The following GHSR variants were observed in gnomAD, a reference collection of about 807,000 sequenced individuals.
The protein encoded by GHSR is growth hormone secretagogue receptor.
In GHSR, 17 loss-of-function variants were observed where a neutral mutation model predicts 24.0. The observed-to-expected ratio is 0.71, with a 90% CI of 0.49 to 1.06. GHSR has a LOEUF of 1.06. Among genes scored for constraint, GHSR ranks in the 50% least tolerant of loss-of-function variants. The probability of loss-of-function intolerance (pLI) is 0.00; values close to 1 mark genes in which losing one functional copy is unlikely to be tolerated. For missense variants in GHSR, 504 were observed against 483.1 expected (o/e 1.04, Z -0.41); for synonymous variants, 238 against 208.1 (o/e 1.14, Z -1.24).
intron 1 of GHSR, 70 bp from the exon 2 acceptor site, chr3:172,445,535 A>G: frequency 1.3e-6 from 2 of 1,486,112 alleles, no homozygotes; most frequent in South Asian, 1.2e-5. Context: ...TATTTTTAAG[A>G]CTTTGTTTTT....
At position 172,444,056 on chromosome 3, in the gene GHSR, A is replaced by T. The variant is rs1737398928; in HGVS notation, c.*1105T>A. Among the ~76,000 whole-genome samples, 2 of 152,138 alleles carry T rather than the reference A, an allele frequency of 1.3e-5. No individual in the cohort carries two copies. Among genetic ancestry groups the T allele is most frequent in the Admixed American group, 6.6e-5 (1 of 15,266 alleles). On this transcript the variant is annotated 3_prime_UTR_variant, in exon 2 of 2. Transcript: ENST00000241256. ...TCGAAGCCTTATAATTGACTTCAAA[A>T]TTTTTGTTAAGCCATATGAGGCAGT...
At chr3:172,445,940 C>CTT (rs201114795) in intron 1 of GHSR, among the ~76,000 whole-genome samples, 1 of 145,592 alleles carries the variant, frequency 6.9e-6, no homozygotes, top group African/African-American at 2.5e-5. Flanking sequence ...TTTATCTTCT[C>CTT]TTTTTTTTTT....
Position 172,447,882 on chromosome 3 carries a change from TGGGCCC to T in GHSR, c.526_531del (p.Gly176_Pro177del). ...TGCTCCACCCCGACTAGCACGAAGA[TGGGCCC>T]GGCGCTGCAGAAGGCCACGGCCCAG... On this transcript the variant is annotated inframe_deletion, in exon 1 of 2. Coordinates refer to ENST00000241256, the MANE Select transcript of GHSR (RefSeq NM_198407.2). 6.2e-7 allele frequency: 1 copy of T among 1,613,446 alleles called. No individual in the cohort carries two copies. Among genetic ancestry groups the T allele is most frequent in the Non-Finnish European group, 8.5e-7 (1 of 1,179,520 alleles).
chr3:172,447,439 T>G, intron 1 of GHSR, 179 bp downstream of exon 1: 1 of 1,356,416 alleles, frequency 7.4e-7, no homozygotes, highest in Non-Finnish European at 9.8e-7. Context: ...AAAACATCAC[T>G]CAAGAAAGCA....
rs746106545 is a variant in GHSR, at chr3:172,448,362, C to A, written c.52G>T (p.Asp18Tyr). ...EEPGFNLTLA[D>Y]LDWDASPGND... Reference sequence around the variant, plus strand: ...CCGGGGGAAGCATCCCAGTCCAGGTCGGCCAGTGTGAGGTTGAACCCCGGC... The same window carrying A: ...CCGGGGGAAGCATCCCAGTCCAGGTAGGCCAGTGTGAGGTTGAACCCCGGC... The change falls in exon 1 of 2, where the codon GAC becomes TAC. Residue 18 changes from aspartate to tyrosine, a missense_variant. Transcript: ENST00000241256. The surrounding 1 kb of genome is among the most constrained non-coding windows in gnomAD (Gnocchi z 4.8). 13 of 1,601,060 alleles carry A rather than the reference C, an allele frequency of 8.1e-6. No homozygotes were observed. In the South Asian group the frequency reaches 8.8e-5, roughly 11 times the overall value.
chr3:172,446,803 C>T (rs536069482), intron 1 of GHSR, among the ~76,000 whole-genome samples: 3 of 152,346 alleles, frequency 2.0e-5, no homozygotes, highest in Admixed American at 6.5e-5. Flanking sequence ...GTAGTGAATT[C>T]TGTTGGTTTC....
chr3:172,445,279 T>C lies in GHSR; in HGVS notation c.983A>G (p.Lys328Arg). 8.1e-6 allele frequency: 13 copies of C among 1,614,176 alleles called. No individual in the cohort carries two copies. Among genetic ancestry groups the C allele is most frequent in the Non-Finnish European group, 1.1e-5 (13 of 1,180,028 alleles). ...INPILYNIMS[K>R]KYRVAVFRLL... The stretch of plus-strand genomic sequence containing the variant: ...TCTGAACACTGCCACCCGGTACTTC[T>C]TGGACATGATGTTGTACAGAATGGG... The change falls in exon 2 of 2, where the codon AAG (lysine) becomes AGG (arginine). Residue 328 changes from lysine (K) to arginine (R), a missense_variant. Coordinates refer to ENST00000241256, the MANE Select transcript of GHSR (RefSeq NM_198407.2).
chr3:172,445,214 TG>T lies in GHSR; in HGVS notation c.1047del (p.Thr350LeufsTer2). ...GCCCGAGAACTTTCATCTTTCAGAG[TG>T]GAGAGCTTTCTCTGGGAGAAGGGTT... ...GFEPFSQRKLSTLKDESSRAW... is the reference protein window; with the variant it reads ...GFEPFSQRKLXTLKDESSRAW... On this transcript the variant is annotated frameshift_variant, in exon 2 of 2. Transcript: ENST00000241256. LOFTEE classifies it high-confidence loss of function. 1 of 1,613,822 alleles carries T rather than the reference TG, an allele frequency of 6.2e-7. No homozygotes were observed. Among genetic ancestry groups the T allele is most frequent in the Non-Finnish European group, 8.5e-7 (1 of 1,179,956 alleles).
rs553367905 is a variant in GHSR at position 172,444,032 on chromosome 3, C to T, written c.*1129G>A. On this transcript the variant is annotated 3_prime_UTR_variant, in exon 2 of 2. Transcript: ENST00000241256. ...ACAAATTGTTCCCTTATTCACAAAT[C>T]GAAGCCTTATAATTGACTTCAAAAT... Among the ~76,000 whole-genome samples, 5 of 152,246 alleles carry T rather than the reference C, an allele frequency of 3.3e-5. No homozygotes were observed. Among genetic ancestry groups the T allele is most frequent in the South Asian group, 4.1e-4 (2 of 4,822 alleles).
chr3:172,445,131 A>C lies in GHSR; in HGVS notation c.*30T>G. On this transcript the variant is annotated 3_prime_UTR_variant, in exon 2 of 2. Coordinates refer to ENST00000241256, the MANE Select transcript of GHSR (RefSeq NM_198407.2). ...GCTATGTCTTCCGGTTTAGAGTAAT[A>C]AGCGGTGACTGTACTCGCAATGTGC... 1 of 1,612,210 alleles carries C rather than the reference A, an allele frequency of 6.2e-7. No homozygotes were observed. The highest frequency in any genetic ancestry group is 1.1e-5 in the South Asian group (1 of 91,034).
At position 172,448,252 on chromosome 3, in the gene GHSR, G is replaced by T; in HGVS notation, c.162C>A (p.Phe54Leu). Reference sequence around the variant, plus strand: ...GCAGGTTGCCAGCGATGCCCACCACGAAGAGTGCCACGCAGGTGGCTGTGA... The same window carrying T: ...GCAGGTTGCCAGCGATGCCCACCACTAAGAGTGCCACGCAGGTGGCTGTGA... Reference protein sequence around the residue: ...AGVTATCVALFVVGIAGNLLT... With the variant: ...AGVTATCVALLVVGIAGNLLT... Residue 54 changes from phenylalanine (F) to leucine (L), a missense_variant, in exon 1 of 2, where the codon TTC becomes TTA. Coordinates refer to ENST00000241256, the MANE Select transcript of GHSR (RefSeq NM_198407.2). This position sits in a 1 kb window ranked among gnomAD's most constrained non-coding sequence, Gnocchi z 4.8. 1 of 1,613,758 alleles carries T rather than the reference G, an allele frequency of 6.2e-7. No individual in the cohort carries two copies.
intron 1 of GHSR, 184 bp downstream of exon 1, chr3:172,447,434 A>G (rs1737489503): frequency 3.0e-6 from 4 of 1,317,772 alleles, no homozygotes; most frequent in Non-Finnish European, 2.0e-6. Context: ...GATCAAAAAC[A>G]TCACTCAAGA....
At chr3:172,446,520 A>C (rs1171295450) in intron 1 of GHSR, among the ~76,000 whole-genome samples, 1 of 152,212 alleles carries the variant, frequency 6.6e-6, no homozygotes, top group Non-Finnish European at 1.5e-5. Context: ...GTAAAATTGG[A>C]AATATGAAAT....
At chr3:172,446,174 A>T (rs1737458825) in intron 1 of GHSR, among the ~76,000 whole-genome samples, 1 of 152,218 alleles carries the variant, frequency 6.6e-6, no homozygotes, top group Non-Finnish European at 1.5e-5. Context: ...ATAACAAATA[A>T]TTTTTTAGTC....
rs565105 is a variant in GHSR at position 172,444,327 on chromosome 3, G to C, written c.*834C>G. On this transcript the variant is annotated 3_prime_UTR_variant, in exon 2 of 2. Transcript: ENST00000241256. ...ACATTTCATATAAGGTGAATGATAA[G>C]TTTTGTATATACTCTAGAGCTGTAC... Among the ~76,000 whole-genome samples, 1 of 151,956 alleles carries C rather than the reference G, an allele frequency of 6.6e-6. No homozygotes were observed. Among genetic ancestry groups the C allele is most frequent in the Non-Finnish European group, 1.5e-5 (1 of 67,974 alleles).
rs201549876 is a variant in GHSR, at chr3:172,445,446, G to A, written c.816C>T (p.Phe272=). 2 of 1,612,818 alleles carry A rather than the reference G, an allele frequency of 1.2e-6. No homozygotes were observed. Among genetic ancestry groups the A allele is most frequent in the Non-Finnish European group, 8.5e-7 (1 of 1,179,844 alleles). ...CGTGGAAGGGGAGCCAGCAGAGGAT[G>A]AAGGCAAACACCACTACAGCTAAAA... ...VKMLAVVVFA[F]ILCWLPFHVG... The change falls in exon 2 of 2, where the codon TTC becomes TTT. Residue 272 remains phenylalanine (F), a synonymous_variant. Transcript: ENST00000241256.
chr3:172,446,213 A>G (rs893272353), intron 1 of GHSR, among the ~76,000 whole-genome samples: 2 of 152,226 alleles, frequency 1.3e-5, no homozygotes, highest in Admixed American at 6.5e-5. Flanking sequence ...TCCCCTTCAA[A>G]TTGTCAAGGA....
In GHSR at chr3:172,447,955, C is replaced by G. The variant is rs201767797; in HGVS notation, c.459G>C (p.Val153=). ...FAICFPLRAK[V]VVTKGRVKLV... ...GCTTCACCCGCCCCTTGGTGACCAC[C>G]ACCTTGGCCCGGAGTGGGAAGCAGA... Residue 153 remains valine (V), a synonymous_variant, in exon 1 of 2, where the codon GTG becomes GTC. Transcript: ENST00000241256. 3 of 1,613,712 alleles carry G rather than the reference C, an allele frequency of 1.9e-6. No individual in the cohort carries two copies. The South Asian group carries it at 3.3e-5, about 18-fold the overall frequency.
Position 172,445,205 on chromosome 3 carries a change from C to G in GHSR, c.1057G>C (p.Asp353His). 1 of 1,614,134 alleles carries G rather than the reference C, an allele frequency of 6.2e-7. No individual in the cohort carries two copies. ...TCTGTCCAGGCCCGAGAACTTTCAT[C>G]TTTCAGAGTGGAGAGCTTTCTCTGG... ...FSQRKLSTLKDESSRAWTESS... is the reference protein window; with the variant it reads ...FSQRKLSTLKHESSRAWTESS... Residue 353 changes from aspartate (D) to histidine (H), a missense_variant, in exon 2 of 2, where the codon GAT (aspartate) becomes CAT (histidine). Physicochemically the swap from Asp to His is moderately conservative, Grantham distance 81 (BLOSUM62 -1). Coordinates refer to ENST00000241256, the MANE Select transcript of GHSR (RefSeq NM_198407.2).
Sources: allele counts gnomAD v4.1 joint callset (sites outside exome capture counted in the v4.1 genomes callset), GRCh38; gene constraint gnomAD v4.1.1; non-coding constraint Gnocchi (gnomAD v3.1); transcripts MANE v1.5; gene names NCBI Gene and HGNC (gene_info 2026-07-23, HGNC 2026-07-21).